Variants in TCF12 observed in about 807,000 individuals in gnomAD.
TCF12 encodes the protein DNA-binding protein HTF4.
Under a neutral mutation model 86.0 loss-of-function variants are expected in TCF12, and 45 were observed. That is an observed-to-expected ratio of 0.52 (90% confidence interval 0.41 to 0.67). The LOEUF is 0.67. Among genes scored for constraint, TCF12 ranks in the 30% least tolerant of loss-of-function variants. The probability of loss-of-function intolerance (pLI) is 0.00; values close to 1 mark genes in which losing one functional copy is unlikely to be tolerated. For synonymous variants in TCF12, 330 were observed against 299.6 expected (o/e 1.10, Z -1.05); for missense variants, 881 against 859.9 (o/e 1.02, Z -0.31).
intron 17 of TCF12, 152 bp from the exon 18 acceptor site, chr15:57,262,960 C>T (rs191302322): frequency 2.7e-5 from 20 of 730,912 alleles, no homozygotes; most frequent in African/African-American, 7.3e-5. Context: ...CTTTTCAGCT[C>T]TAAATAGTAT....
At position 57,160,602 on chromosome 15, in the gene TCF12, C is replaced by T. The variant is rs79021458; in HGVS notation, c.326-5800C>T. Among the ~76,000 whole-genome samples the T allele has an allele frequency of 9.4e-3, 1,424 of 152,218 alleles. 11 individuals are homozygous for T. The highest frequency in any genetic ancestry group is 0.014 in the Non-Finnish European group (977 of 68,018). On this transcript the variant is annotated intron_variant, in intron 5 of 20. Transcript: ENST00000333725. ...TAAATGTCTAACAAATGTAGCAGTACTTCTAAAACTTGGTCATCCAGTAGG... is the reference window on the plus strand; with the variant it reads ...TAAATGTCTAACAAATGTAGCAGTATTTCTAAAACTTGGTCATCCAGTAGG...
intron 19 of TCF12, among the ~76,000 whole-genome samples, chr15:57,275,731 A>G (rs1340594565): frequency 1.3e-5 from 2 of 151,892 alleles, no homozygotes; most frequent in Non-Finnish European, 2.9e-5. Flanking sequence ...CATCCTCTGC[A>G]CTCTGGCTCC....
intron 3 of TCF12, among the ~76,000 whole-genome samples, chr15:56,979,928 G>A (rs1171689481): frequency 6.6e-6 from 1 of 152,160 alleles, no homozygotes; most frequent in Non-Finnish European, 1.5e-5. Context: ...CGTAACAGTG[G>A]ATTTGTGTCT....
intron 3 of TCF12, among the ~76,000 whole-genome samples, chr15:56,941,201 C>CA (rs1441851989): frequency 1.1e-4 from 17 of 151,178 alleles, no homozygotes; most frequent in Admixed American, 4.6e-4. Flanking sequence ...CCTGCCTCTA[C>CA]AAAAAAATAC....
Position 57,203,792 on chromosome 15 carries a change from G to T in TCF12, c.579+5967G>T, listed in dbSNP as rs144191072. On this transcript the variant is annotated intron_variant, in intron 8 of 20. Coordinates refer to ENST00000333725, the MANE Select transcript of TCF12 (RefSeq NM_207037.2). ...AGGGCACGGTGGCTGTAGTCCCAAG[G>T]CAGGAGGATCACTTGAGCCCAAGAG... 3.3e-5 allele frequency among the ~76,000 whole-genome samples: 5 copies of T among 152,250 alleles called. No homozygotes were observed. The East Asian group carries it at 9.7e-4, about 29-fold the overall frequency.
intron 6 of TCF12, among the ~76,000 whole-genome samples, chr15:57,187,917 G>A (rs922429532): frequency 1.2e-4 from 19 of 152,042 alleles, no homozygotes; most frequent in African/African-American, 4.1e-4. Flanking sequence ...GAGCCTGGAT[G>A]ATAGAGTGAG....
At chr15:56,973,611 G>C (rs758744719) in intron 3 of TCF12, among the ~76,000 whole-genome samples, 4 of 152,116 alleles carry the variant, frequency 2.6e-5, no homozygotes, top group African/African-American at 9.7e-5. Context: ...ATGGTAATAA[G>C]TGATTCATGC....
chr15:57,129,676 T>C (rs548910346), intron 5 of TCF12: 1 of 152,360 alleles, frequency 6.6e-6, no homozygotes, highest in Admixed American at 6.5e-5. Flanking sequence ...TTGCACTATT[T>C]TTGAGAATGA....
At chr15:57,069,827 T>C (rs528630302) in intron 4 of TCF12, among the ~76,000 whole-genome samples, 1 of 152,080 alleles carries the variant, frequency 6.6e-6, no homozygotes, top group Non-Finnish European at 1.5e-5. Flanking sequence ...TAGAAGAGGG[T>C]CTGCAGCTGA....
At chr15:57,065,355 T>A (rs1321649153) in intron 4 of TCF12, among the ~76,000 whole-genome samples, 2 of 152,228 alleles carry the variant, frequency 1.3e-5, no homozygotes, top group African/African-American at 2.4e-5. Flanking sequence ...GTCTTGAGGC[T>A]ACTTAAACTG....
At chr15:57,028,891 C>T (rs1336232738) in intron 3 of TCF12, among the ~76,000 whole-genome samples, 4 of 151,918 alleles carry the variant, frequency 2.6e-5, no homozygotes, top group Non-Finnish European at 4.4e-5. Flanking sequence ...TTCTCCCTCC[C>T]GGTTCAAGCG....
chr15:56,938,514 G>A (rs2060582957), intron 3 of TCF12, among the ~76,000 whole-genome samples: 1 of 152,022 alleles, frequency 6.6e-6, no homozygotes, highest in Non-Finnish European at 1.5e-5. Context: ...CAGTGATACT[G>A]GCATCATAGA....
intron 19 of TCF12, among the ~76,000 whole-genome samples, chr15:57,274,082 T>C (rs1055919194): frequency 2.6e-5 from 4 of 152,206 alleles, no homozygotes; most frequent in African/African-American, 9.7e-5. Context: ...CCTAAGCCTT[T>C]TTGCAAGGAA....
At chr15:57,187,047 G>A (rs2056708754) in intron 6 of TCF12, among the ~76,000 whole-genome samples, 1 of 152,080 alleles carries the variant, frequency 6.6e-6, no homozygotes, top group Non-Finnish European at 1.5e-5. Flanking sequence ...CAGGCGTGGT[G>A]GCACACATCT....
In TCF12 at chr15:57,208,380, C is replaced by CTTTTTTTTTTTTTTTTTTTTTTTTTTTT. The variant is rs1184422578; in HGVS notation, c.579+10574_579+10575insTTTTTTTTTTTTTTTTTTTTTTTTTTTT. Among the ~76,000 whole-genome samples, 14 of 65,590 alleles carry CTTTTTTTTTTTTTTTTTTTTTTTTTTTT rather than the reference C, an allele frequency of 2.1e-4. 4 individuals carry two copies. The highest frequency in any genetic ancestry group is 9.4e-4 in the African/African-American group (14 of 14,846). 43.0% of individuals were successfully genotyped at this position (65,590 alleles called of 152,430 possible). ...ACCTTGTTCTTTGGACAAAAATATC[C>CTTTTTTTTTTTTTTTTTTTTTTTTTTTT]TTTTTTTTTTTTTTTTTTTGGAGAC... On this transcript the variant is annotated intron_variant, in intron 8 of 20. Coordinates refer to ENST00000333725, the MANE Select transcript of TCF12 (RefSeq NM_207037.2).
chr15:57,175,665 A>G (rs2055858623), intron 6 of TCF12, among the ~76,000 whole-genome samples: 1 of 152,210 alleles, frequency 6.6e-6, no homozygotes, highest in Non-Finnish European at 1.5e-5. Flanking sequence ...AATATTTAGA[A>G]CAAGAAAGTT....
At chr15:56,988,215 C>A (rs546044556) in intron 3 of TCF12, among the ~76,000 whole-genome samples, 1 of 152,032 alleles carries the variant, frequency 6.6e-6, no homozygotes, top group Non-Finnish European at 1.5e-5. Context: ...AAGTTGTAAG[C>A]AATTAGTTAT....
intron 3 of TCF12, among the ~76,000 whole-genome samples, chr15:56,929,767 C>G (rs2060166016): frequency 2.0e-5 from 3 of 151,880 alleles, no homozygotes; most frequent in Admixed American, 1.3e-4. Context: ...CTTAAAAAAC[C>G]ACTACTACCA....
Position 57,253,419 on chromosome 15 carries a change from C to G in TCF12, c.1418C>G (p.Ser473Ter). ...AATGCACCAATTGGAAGCCTCAATT[C>G]AAACTATGGAGGATCAAGCCTTGTT... ...SHNAPIGSLN[S>*]NYGGSSLVAS... The change falls in exon 16 of 21, where the codon TCA becomes TGA. Residue 473 changes from serine (S) to a stop codon, truncating the protein, a stop_gained. Transcript: ENST00000333725. LOFTEE classifies it high-confidence loss of function. 2 of 1,614,040 alleles carry G rather than the reference C, an allele frequency of 1.2e-6. No individual in the cohort carries two copies. Among genetic ancestry groups the G allele is most frequent in the Non-Finnish European group, 1.7e-6 (2 of 1,179,964 alleles).
Sources: gnomAD v4.1 joint callset for allele counts (sites outside exome capture counted in the v4.1 genomes callset) on GRCh38, gnomAD v4.1.1 for gene constraint, MANE v1.5 for transcripts, NCBI Gene and HGNC (gene_info 2026-07-23, HGNC 2026-07-21) for gene names.